PTPRD: variants seen among roughly 807,000 people sequenced by gnomAD.
The protein encoded by PTPRD is protein tyrosine phosphatase receptor type D.
Under a neutral mutation model 214.5 loss-of-function variants are expected in PTPRD, and 34 were observed. The observed-to-expected ratio is 0.16, with a 90% CI of 0.12 to 0.21. PTPRD has a LOEUF of 0.21. PTPRD is among the 10% of genes least tolerant of loss of function. The pLI is 1.00. For synonymous variants in PTPRD, 1,128 were observed against 845.7 expected (o/e 1.33, Z -5.79); for missense variants, 2,545 against 2,398.7 (o/e 1.06, Z -1.27).
At chr9:10,464,835 T>G (rs1045880301) in intron 2 of PTPRD, among the ~76,000 whole-genome samples, 6 of 152,006 alleles carry the variant, frequency 3.9e-5, no homozygotes, top group African/African-American at 1.4e-4. Flanking sequence ...AAATTCCAGG[T>G]GAAAATTTGA....
intron 3 of PTPRD, among the ~76,000 whole-genome samples, chr9:10,068,066 T>C (rs2097916525): frequency 6.6e-6 from 1 of 151,922 alleles, no homozygotes; most frequent in Admixed American, 6.6e-5. Context: ...GTCTTCCAGT[T>C]CTGGTAAAAA....
chr9:10,283,202 G>A (rs947246484), intron 3 of PTPRD, among the ~76,000 whole-genome samples: 5 of 151,590 alleles, frequency 3.3e-5, no homozygotes, highest in African/African-American at 1.2e-4. Flanking sequence ...TTATTTTTCT[G>A]GTAAAGCTTC....
At chr9:8,976,787 T>A (rs1196327987) in intron 11 of PTPRD, among the ~76,000 whole-genome samples, 1 of 152,120 alleles carries the variant, frequency 6.6e-6, no homozygotes, top group Non-Finnish European at 1.5e-5. Flanking sequence ...AGAGTATTCC[T>A]AAATGGAGGT....
At chr9:10,063,260 C>G (rs969997626) in intron 3 of PTPRD, among the ~76,000 whole-genome samples, 7 of 152,080 alleles carry the variant, frequency 4.6e-5, no homozygotes, top group African/African-American at 1.7e-4. Context: ...GACATAGCTA[C>G]TCAAGTTATA....
At chr9:9,749,228 G>T (rs186306296) in intron 6 of PTPRD, among the ~76,000 whole-genome samples, 2 of 152,270 alleles carry the variant, frequency 1.3e-5, no homozygotes, top group East Asian at 3.9e-4. Context: ...GTGATGATCA[G>T]GGAGGGCCAA....
intron 11 of PTPRD, among the ~76,000 whole-genome samples, chr9:8,762,197 T>A (rs1598999708): frequency 6.6e-6 from 1 of 152,174 alleles, no homozygotes; most frequent in Admixed American, 6.5e-5. Context: ...ATTTTTCCTC[T>A]GCATTCAATA....
intron 5 of PTPRD, among the ~76,000 whole-genome samples, chr9:9,783,601 A>G (rs2098883977): frequency 2.0e-5 from 3 of 152,124 alleles, no homozygotes; most frequent in South Asian, 4.1e-4. Flanking sequence ...ATAATACAGA[A>G]TAAAATACAG....
intron 3 of PTPRD, among the ~76,000 whole-genome samples, chr9:10,314,047 G>C (rs145932355): frequency 6.6e-6 from 1 of 151,890 alleles, no homozygotes; most frequent in African/African-American, 2.4e-5. Context: ...GCTTATAAGT[G>C]AGAGATAGTT....
intron 11 of PTPRD, among the ~76,000 whole-genome samples, chr9:8,767,376 C>G (rs1331518303): frequency 1.3e-5 from 2 of 152,178 alleles, no homozygotes; most frequent in Non-Finnish European, 2.9e-5. Context: ...CTTGGCCTCT[C>G]AAAGTGCTGG....
chr9:9,727,856 G>A (rs2098120770), intron 7 of PTPRD, among the ~76,000 whole-genome samples: 1 of 152,120 alleles, frequency 6.6e-6, no homozygotes, highest in African/African-American at 2.4e-5. Context: ...CCACATGTAG[G>A]AATTCTGATT....
intron 11 of PTPRD, among the ~76,000 whole-genome samples, chr9:8,947,634 A>T (rs1444340332): frequency 6.6e-6 from 1 of 151,984 alleles, no homozygotes; most frequent in Non-Finnish European, 1.5e-5. Flanking sequence ...GGTCCAGATG[A>T]ACTCCTAGAG....
At chr9:9,256,418 T>A (rs1388613894) in intron 9 of PTPRD, among the ~76,000 whole-genome samples, 6 of 152,000 alleles carry the variant, frequency 3.9e-5, no homozygotes, top group Non-Finnish European at 7.4e-5. Flanking sequence ...TTCTCTCTTT[T>A]TTTTCCATTT....
rs575507483 is a variant in PTPRD, at chr9:9,140,601, C to T, written c.-143+42703G>A. On this transcript the variant is annotated intron_variant, in intron 10 of 45. Transcript: ENST00000381196. ...TACATCTTTTTTTATTTTTTTGAGA[C>T]GGAGTCTCGCTCTGTCGCCCAGGCT... Among the ~76,000 whole-genome samples the T allele has an allele frequency of 4.8e-4, 73 of 152,202 alleles. 2 individuals carry two copies. The highest frequency in any genetic ancestry group is 2.1e-4 in the South Asian group (1 of 4,826).
chr9:9,165,956 C>G lies in PTPRD; in HGVS notation c.-143+17348G>C, dbSNP rs551795179. Reference sequence around the variant, plus strand: ...AGCCTTTTCCCCTTAAGTGTATCACCCTTTTAATTTTTTTCTCAGTGACTA... The same window carrying G: ...AGCCTTTTCCCCTTAAGTGTATCACGCTTTTAATTTTTTTCTCAGTGACTA... On this transcript the variant is annotated intron_variant, in intron 10 of 45. Coordinates refer to ENST00000381196, the MANE Select transcript of PTPRD (RefSeq NM_002839.4). Among the ~76,000 whole-genome samples the G allele has an allele frequency of 2.6e-5, 4 of 151,676 alleles. No homozygotes were observed. In the South Asian group the frequency reaches 6.3e-4, roughly 24 times the overall value.
At chr9:8,349,006 C>CCAAA (rs2074649864) in intron 39 of PTPRD, among the ~76,000 whole-genome samples, 1 of 151,748 alleles carries the variant, frequency 6.6e-6, no homozygotes, top group Non-Finnish European at 1.5e-5. Flanking sequence ...AATTTCCATG[C>CCAAA]CAGGGAAATT....
chr9:8,973,371 C>T (rs1341653909), intron 11 of PTPRD, among the ~76,000 whole-genome samples: 5 of 151,992 alleles, frequency 3.3e-5, no homozygotes, highest in Non-Finnish European at 7.4e-5. Flanking sequence ...TAGCTTTAAC[C>T]ATGTTGCTGC....
intron 25 of PTPRD, among the ~76,000 whole-genome samples, chr9:8,497,852 A>G (rs920707447): frequency 6.6e-5 from 10 of 152,238 alleles, no homozygotes; most frequent in African/African-American, 2.4e-4. Flanking sequence ...TTTGCAATGG[A>G]ACTAGGGAGA....
At chr9:9,670,481 A>T (rs748665333) in intron 7 of PTPRD, among the ~76,000 whole-genome samples, 6 of 152,230 alleles carry the variant, frequency 3.9e-5, no homozygotes, top group Non-Finnish European at 8.8e-5. Flanking sequence ...GTAACAAGGA[A>T]CCAAATGTTA....
intron 3 of PTPRD, among the ~76,000 whole-genome samples, chr9:10,242,525 C>T (rs2091283826): frequency 6.6e-6 from 1 of 151,804 alleles, no homozygotes; most frequent in South Asian, 2.1e-4. Flanking sequence ...ATGTAAGTCC[C>T]TACTGTGTAC....
Sources: allele counts gnomAD v4.1 joint callset (sites outside exome capture counted in the v4.1 genomes callset), GRCh38; gene constraint gnomAD v4.1.1; transcripts MANE v1.5; gene names NCBI Gene and HGNC (gene_info 2026-07-23, HGNC 2026-07-21).